Variants in RIMBP2 observed in about 807,000 individuals in gnomAD.
RIMBP2 encodes RIMS binding protein 2.
In RIMBP2, 48 loss-of-function variants were observed where a neutral mutation model predicts 118.6. The observed-to-expected ratio is 0.40, with a 90% CI of 0.32 to 0.51. RIMBP2 has a LOEUF of 0.51. Ranked by LOEUF, RIMBP2 falls within the 20% of genes least tolerant of loss-of-function variation. The probability of loss-of-function intolerance (pLI) is 0.41; values close to 1 mark genes in which losing one functional copy is unlikely to be tolerated. For missense variants in RIMBP2, 1,551 were observed against 1,768.3 expected, an observed-to-expected ratio of 0.88 and a Z score of 2.20; for synonymous variants, 762 against 742.9, an observed-to-expected ratio of 1.03 and a Z score of -0.42.
intron 1 of RIMBP2, among the ~76,000 whole-genome samples, chr12:130,708,883 C>A (rs78115159): frequency 6.6e-6 from 1 of 152,166 alleles, no homozygotes; most frequent in African/African-American, 2.4e-5. Flanking sequence ...CGCTGTAGTC[C>A]CAACCCAGCT....
At chr12:130,398,960 A>G (rs1309535175) in intron 22 of RIMBP2, 2 of 364,786 alleles carry the variant, frequency 5.5e-6, no homozygotes, top group Non-Finnish European at 1.0e-5. Flanking sequence ...ACCAAGTAAT[A>G]TTCTAATTAT....
chr12:130,401,251 A>G (rs1369148350), intron 21 of RIMBP2, among the ~76,000 whole-genome samples: 1 of 151,930 alleles, frequency 6.6e-6, no homozygotes, highest in Admixed American at 6.6e-5. Flanking sequence ...AAGTAGCTGG[A>G]ATTACAGGCA....
At chr12:130,543,588 T>C (rs1039821374) in intron 2 of RIMBP2, among the ~76,000 whole-genome samples, 1 of 152,032 alleles carries the variant, frequency 6.6e-6, no homozygotes, top group Non-Finnish European at 1.5e-5. Flanking sequence ...TTGGGAAATA[T>C]GAAGATGCCT....
chr12:130,631,155 A>G (rs1460240661), intron 1 of RIMBP2, among the ~76,000 whole-genome samples: 1 of 152,222 alleles, frequency 6.6e-6, no homozygotes, highest in Non-Finnish European at 1.5e-5. Context: ...GATATCAGAA[A>G]GAACGGGAGA....
At chr12:130,595,563 A>G (rs1417616778) in intron 2 of RIMBP2, among the ~76,000 whole-genome samples, 5 of 151,804 alleles carry the variant, frequency 3.3e-5, no homozygotes, top group Non-Finnish European at 7.4e-5. Context: ...AATAATAATA[A>G]TAATAATAAA....
chr12:130,593,147 C>T (rs1375080142), intron 2 of RIMBP2, among the ~76,000 whole-genome samples: 1 of 152,252 alleles, frequency 6.6e-6, no homozygotes, highest in African/African-American at 2.4e-5. Flanking sequence ...AGCCCATTCT[C>T]ACCCACTCCT....
Position 130,683,775 on chromosome 12 carries a change from A to G in RIMBP2, c.-352+32447T>C, listed in dbSNP as rs912295141. ...TGGCAATGTCAGGAAGTTACCCTAT[A>G]TGGTCTAGAAAGGGGAGGTAAGAAT... On this transcript the variant is annotated intron_variant, in intron 1 of 22. Coordinates refer to ENST00000690449, the MANE Select transcript of RIMBP2 (RefSeq NM_001393629.1). The surrounding 1 kb of genome is among the most constrained non-coding windows in gnomAD (Gnocchi z 4.4). Among the ~76,000 whole-genome samples the G allele has an allele frequency of 2.0e-5, 3 of 152,172 alleles. No homozygotes were observed. The highest frequency in any genetic ancestry group is 4.4e-5 in the Non-Finnish European group (3 of 68,026).
chr12:130,584,227 CACTTCACCACCACCAT>C (rs776108002), intron 2 of RIMBP2, among the ~76,000 whole-genome samples: 2,137 of 49,712 alleles, frequency 0.043, 79 homozygotes, highest in Non-Finnish European at 0.058. Flanking sequence ...CCACCACCAT[CACTTCACCACCACCAT>C]CACCATCACC....
chr12:130,572,487 C>T (rs150317152), intron 2 of RIMBP2, among the ~76,000 whole-genome samples: 2 of 152,178 alleles, frequency 1.3e-5, no homozygotes, highest in Admixed American at 6.5e-5. Flanking sequence ...CTTTACAAGG[C>T]GGCTGGAGAC....
At chr12:130,702,949 G>T (rs2065930963) in intron 1 of RIMBP2, among the ~76,000 whole-genome samples, 1 of 152,172 alleles carries the variant, frequency 6.6e-6, no homozygotes, top group South Asian at 2.1e-4. Flanking sequence ...CTCAACAGGG[G>T]TTGAGAGCAT....
chr12:130,571,102 T>C (rs1299343033), intron 2 of RIMBP2, among the ~76,000 whole-genome samples: 10 of 151,018 alleles, frequency 6.6e-5, no homozygotes, highest in African/African-American at 2.4e-4. Flanking sequence ...AAGGGGCTAA[T>C]CCATGGCGGG....
intron 1 of RIMBP2, among the ~76,000 whole-genome samples, chr12:130,634,894 C>T (rs963362828): frequency 3.9e-5 from 6 of 152,302 alleles, no homozygotes; most frequent in Admixed American, 2.0e-4. Context: ...CCACCACACC[C>T]GGCTGACTCC....
rs144492369 is a variant in RIMBP2 at position 130,561,046 on chromosome 12, G to A, written c.-216-43129C>T. Among the ~76,000 whole-genome samples, 1,450 of 152,232 alleles carry A rather than the reference G, an allele frequency of 9.5e-3. 20 individuals carry two copies. Among genetic ancestry groups the A allele is most frequent in the African/African-American group, 0.033 (1,370 of 41,544 alleles). On this transcript the variant is annotated intron_variant, in intron 2 of 22. Coordinates refer to ENST00000690449, the MANE Select transcript of RIMBP2 (RefSeq NM_001393629.1). ...ACACAGAGACAGATACAAAGAGAAC[G>A]CCATGGGAAGATAAAAGCAGAGATC...
chr12:130,553,152 C>CAA (rs56149968), intron 2 of RIMBP2, among the ~76,000 whole-genome samples: 19 of 114,048 alleles, frequency 1.7e-4, no homozygotes, highest in African/African-American at 5.5e-4. Context: ...GACTCCATCT[C>CAA]AAAAAAAAAA....
intron 1 of RIMBP2, among the ~76,000 whole-genome samples, chr12:130,633,026 A>G (rs2062098891): frequency 6.6e-6 from 1 of 152,136 alleles, no homozygotes; most frequent in Non-Finnish European, 1.5e-5. Context: ...TTGCTATTTA[A>G]TGTTAGGCAT....
At chr12:130,527,700 C>T (rs2052951308) in intron 2 of RIMBP2, among the ~76,000 whole-genome samples, 1 of 150,512 alleles carries the variant, frequency 6.6e-6, no homozygotes, top group Admixed American at 6.7e-5. Context: ...CCATTTGACA[C>T]GAGTCTGATA....
chr12:130,712,633 T>C (rs959056680), intron 1 of RIMBP2, among the ~76,000 whole-genome samples: 2 of 152,198 alleles, frequency 1.3e-5, no homozygotes, highest in African/African-American at 4.8e-5. Flanking sequence ...TCACTTTTGT[T>C]TAATAAGTAG....
At chr12:130,677,836 G>A (rs1356296131) in intron 1 of RIMBP2, among the ~76,000 whole-genome samples, 1 of 152,168 alleles carries the variant, frequency 6.6e-6, no homozygotes, top group Non-Finnish European at 1.5e-5. Flanking sequence ...TCAGAGCAAT[G>A]TTCATTTTAA....
At chr12:130,493,190 A>ATGTAAG (rs1331607035) in intron 4 of RIMBP2, among the ~76,000 whole-genome samples, 2 of 152,322 alleles carry the variant, frequency 1.3e-5, no homozygotes, top group African/African-American at 4.8e-5. Context: ...ATTAAGTTTC[A>ATGTAAG]TGTAAATATC....
Sources: allele counts gnomAD v4.1 joint callset (sites outside exome capture counted in the v4.1 genomes callset), GRCh38; gene constraint gnomAD v4.1.1; non-coding constraint Gnocchi (gnomAD v3.1); transcripts MANE v1.5; gene names NCBI Gene and HGNC (gene_info 2026-07-23, HGNC 2026-07-21).